Variants in WDR91 observed in about 807,000 individuals in gnomAD.
The protein encoded by WDR91 is WD repeat-containing protein 91.
A neutral mutation model predicts 88.4 loss-of-function variants in WDR91; 52 were observed. The observed-to-expected ratio is 0.59, with a 90% CI of 0.47 to 0.74. The LOEUF is 0.74. WDR91 is among the 30% of genes least tolerant of loss of function. The probability of loss-of-function intolerance (pLI) is 0.00; values close to 1 mark genes in which losing one functional copy is unlikely to be tolerated. For synonymous variants in WDR91, 362 were observed against 389.5 expected (o/e 0.93, Z 0.83); for missense variants, 824 against 954.5 (o/e 0.86, Z 1.80).
Position 135,186,335 on chromosome 7 carries a change from A to T in WDR91, c.2080-20T>A, listed in dbSNP as rs1830939819. The T allele has an allele frequency of 6.2e-7, 1 of 1,607,544 alleles. No individual in the cohort carries two copies. Among genetic ancestry groups the T allele is most frequent in the South Asian group, 1.1e-5 (1 of 90,018 alleles). ...ACCCAGCTGCAAGAGGACAGGAAAG[A>T]GGAGGAGGTGTCAGCAAACACCAGT... On this transcript the variant is annotated intron_variant, in intron 14 of 14. Coordinates refer to ENST00000354475, the MANE Select transcript of WDR91 (RefSeq NM_014149.4).
At position 135,204,451 on chromosome 7, in the gene WDR91, C is replaced by G. The variant is rs1180302315; in HGVS notation, c.726-18G>C. 1.2e-6 allele frequency: 2 copies of G among 1,613,168 alleles called. No homozygotes were observed. The highest frequency in any genetic ancestry group is 1.7e-6 in the Non-Finnish European group (2 of 1,179,360). ...CCATGGCACTGGTCAGCAAACACACCACAGGGTCAGAGGGCTGAAACAGGA... is the reference window on the plus strand; with the variant it reads ...CCATGGCACTGGTCAGCAAACACACGACAGGGTCAGAGGGCTGAAACAGGA... On this transcript the variant is annotated intron_variant, in intron 5 of 14. Coordinates refer to ENST00000354475, the MANE Select transcript of WDR91 (RefSeq NM_014149.4).
At chr7:135,198,187 C>A (rs755727165) in intron 6 of WDR91, 36 bp from the exon 7 acceptor site, 2 of 1,596,568 alleles carry the variant, frequency 1.3e-6, no homozygotes, top group South Asian at 1.1e-5. Flanking sequence ...AGTCTCTTCC[C>A]ATCTGCCCAG....
chr7:135,189,421 G>C lies in WDR91; in HGVS notation c.1691C>G (p.Ala564Gly). 1 of 1,614,010 alleles carries C rather than the reference G, an allele frequency of 6.2e-7. No homozygotes were observed. ...LQFSLDPEPI[A>G]INCTAFNHNG... ...GTGATTGAAGGCTGTACAGTTGATA[G>C]CAATGGGTTCTGGATCCAGGGAGAA... Residue 564 changes from alanine (A) to glycine (G), a missense_variant, in exon 12 of 15, where the codon GCT becomes GGT. By Grantham distance (60) the Ala-to-Gly change is moderately conservative. Coordinates refer to ENST00000354475, the MANE Select transcript of WDR91 (RefSeq NM_014149.4).
intron 6 of WDR91, among the ~76,000 whole-genome samples, chr7:135,200,893 C>T (rs547012883): frequency 6.6e-6 from 1 of 152,276 alleles, no homozygotes; most frequent in Non-Finnish European, 1.5e-5. Context: ...AATGGAGCAG[C>T]AAACAACTTC....
intron 11 of WDR91, among the ~76,000 whole-genome samples, chr7:135,192,969 G>A (rs989340818): frequency 6.6e-6 from 1 of 152,208 alleles, no homozygotes; most frequent in African/African-American, 2.4e-5. Flanking sequence ...CAGTATGTCA[G>A]AGGGAGGCAC....
At chr7:135,198,310 C>T in intron 6 of WDR91, 159 bp from the exon 7 acceptor site, 1 of 767,368 alleles carries the variant, frequency 1.3e-6, no homozygotes, top group Non-Finnish European at 2.0e-6. Context: ...CATAGTCAGC[C>T]CCTGCTATGA....
At position 135,196,274 on chromosome 7, in the gene WDR91, C is replaced by A. The variant is rs1200425591; in HGVS notation, c.1114G>T (p.Glu372Ter). ...EAEPCPELHT[E>*]PVEPLTRASS... ...GCCCGAGTCAGTGGCTCCACTGGCT[C>A]CGTGTGGAGCTCTGGGCAGGGCTCA... is the stretch of plus-strand genomic sequence containing the variant. The change falls in exon 8 of 15, where the codon GAG becomes TAG. Residue 372 changes from glutamate (E) to a stop codon, truncating the protein, a stop_gained. Transcript: ENST00000354475. LOFTEE classifies it high-confidence loss of function. The surrounding 1 kb of genome is among the most constrained non-coding windows in gnomAD (Gnocchi z 4.2). 1 of 1,611,040 alleles carries A rather than the reference C, an allele frequency of 6.2e-7. No individual in the cohort carries two copies. Among genetic ancestry groups the A allele is most frequent in the African/African-American group, 1.3e-5 (1 of 74,784 alleles).
Position 135,208,724 on chromosome 7 carries a change from G to T in WDR91, c.511+67C>A, listed in dbSNP as rs1362711473. The T allele has an allele frequency of 4.3e-6, 6 of 1,402,760 alleles. No individual in the cohort carries two copies. In the East Asian group the frequency reaches 1.2e-4, roughly 28 times the overall value. 86.9% of individuals were successfully genotyped at this position (1,402,760 alleles called of 1,614,324 possible). ...AAGAAATGCCTGTATGGAGACCAGC[G>T]GGCTACTGATCCTGAGGTCTGGGTG... On this transcript the variant is annotated intron_variant, in intron 3 of 14. Coordinates refer to ENST00000354475, the MANE Select transcript of WDR91 (RefSeq NM_014149.4).
intron 9 of WDR91, 150 bp downstream of exon 9, chr7:135,194,784 G>A: frequency 9.3e-7 from 1 of 1,077,014 alleles, no homozygotes; most frequent in Non-Finnish European, 1.3e-6. Context: ...GGAGCCTTCT[G>A]GGCCAGTCCT....
At chr7:135,208,579 CTT>C in intron 3 of WDR91, among the ~76,000 whole-genome samples, 1 of 152,330 alleles carries the variant, frequency 6.6e-6, no homozygotes, top group Non-Finnish European at 1.5e-5. Flanking sequence ...TCAGCTAATA[CTT>C]CAGCAGCACA....
chr7:135,206,065 A>C lies in WDR91; in HGVS notation c.595-7T>G. 1.2e-6 allele frequency: 2 copies of C among 1,614,124 alleles called. No individual in the cohort carries two copies. The highest frequency in any genetic ancestry group is 2.2e-5 in the East Asian group (1 of 44,862). On this transcript the variant is annotated splice_region_variant and splice_polypyrimidine_tract_variant and intron_variant, in intron 4 of 14. Coordinates refer to ENST00000354475, the MANE Select transcript of WDR91 (RefSeq NM_014149.4). ...CAGCTTGCAATGCAAAAAGCTATAC[A>C]GGGGTGGGACTGAGTTAGCCAATGA...
In WDR91 at chr7:135,185,016, C is replaced by T. The variant is rs1306757974; in HGVS notation, c.*1135G>A. Reference sequence around the variant, plus strand: ...TCCAGAGTAGCTGGGATTATAGGCACCTGCCACCATGCCTGGCTAATTTTG... The same window carrying T: ...TCCAGAGTAGCTGGGATTATAGGCATCTGCCACCATGCCTGGCTAATTTTG... On this transcript the variant is annotated 3_prime_UTR_variant, in exon 15 of 15. Transcript: ENST00000354475. The T allele has an allele frequency of 2.0e-5, 3 of 152,106 alleles. No homozygotes were observed. Among genetic ancestry groups the T allele is most frequent in the Non-Finnish European group, 4.4e-5 (3 of 68,100 alleles). The allele number at this position is 152,106 out of a possible 1,614,324, so 9.4% of individuals were successfully genotyped here.
intron 6 of WDR91, among the ~76,000 whole-genome samples, chr7:135,203,121 T>C (rs1430457621): frequency 6.6e-6 from 1 of 152,178 alleles, no homozygotes; most frequent in Non-Finnish European, 1.5e-5. Context: ...TGAGCACCAA[T>C]GACAAACGAG....
intron 9 of WDR91, 179 bp from the exon 10 acceptor site, chr7:135,193,851 G>A (rs1021353099): frequency 2.3e-4 from 139 of 596,170 alleles, no homozygotes; most frequent in African/African-American, 9.1e-4. Context: ...AAACAAAGAC[G>A]TGAGAGCTGA....
Position 135,206,159 on chromosome 7 carries a change from T to C in WDR91, c.595-101A>G. The C allele has an allele frequency of 2.7e-6, 4 of 1,493,404 alleles. No homozygotes were observed. The South Asian group carries it at 3.5e-5, about 13-fold the overall frequency. 92.5% of individuals were successfully genotyped at this position (1,493,404 alleles called of 1,614,324 possible). A position where few individuals can be genotyped will look rare whatever the true frequency, so the allele number is the denominator to read the frequency against. ...TCGCATCCAAGCCCACTGGTCTGAGTGCCACTCGCCTCAGCGTCAAGGGGC... is the reference window on the plus strand; with the variant it reads ...TCGCATCCAAGCCCACTGGTCTGAGCGCCACTCGCCTCAGCGTCAAGGGGC... On this transcript the variant is annotated intron_variant, in intron 4 of 14. Transcript: ENST00000354475.
At chr7:135,208,693 T>C in intron 3 of WDR91, 98 bp downstream of exon 3, 3 of 1,154,582 alleles carry the variant, frequency 2.6e-6, no homozygotes, top group African/African-American at 3.1e-5. Flanking sequence ...CTGGGCATTT[T>C]TGTAGAAGAA....
At chr7:135,187,527 G>A (rs1562943835) in intron 13 of WDR91, among the ~76,000 whole-genome samples, 4 of 152,202 alleles carry the variant, frequency 2.6e-5, no homozygotes, top group South Asian at 2.1e-4. Flanking sequence ...TCAAGCAGGA[G>A]GAATGCTTCA....
At chr7:135,191,038 T>C (rs1462113080) in intron 11 of WDR91, among the ~76,000 whole-genome samples, 2 of 151,970 alleles carry the variant, frequency 1.3e-5, no homozygotes, top group Non-Finnish European at 2.9e-5. Context: ...AAAATCCACA[T>C]CCAGAGAACC....
intron 6 of WDR91, chr7:135,198,373 C>T (rs1205563346): frequency 3.8e-6 from 2 of 521,026 alleles, no homozygotes; most frequent in Admixed American, 3.3e-5. Flanking sequence ...CTGCAATCCT[C>T]ATCCTGCGGT....
Sources: allele counts gnomAD v4.1 joint callset (sites outside exome capture counted in the v4.1 genomes callset), GRCh38; gene constraint gnomAD v4.1.1; non-coding constraint Gnocchi (gnomAD v3.1); transcripts MANE v1.5; gene names NCBI Gene and HGNC (gene_info 2026-07-23, HGNC 2026-07-21).